Variants in C17orf58 observed in about 807,000 individuals in gnomAD.
C17orf58 encodes chromosome 17 open reading frame 58.
In C17orf58, 5 loss-of-function variants were observed where a neutral mutation model predicts 7.4. The ratio of observed to expected loss-of-function variants is 0.67; its 90% CI spans 0.35 to 1.42. The LOEUF is 1.42. Among genes scored for constraint, C17orf58 ranks in the 40% most tolerant of loss-of-function variants. The pLI is 0.04. For missense variants in C17orf58, 162 were observed against 174.2 expected, an observed-to-expected ratio of 0.93 and a Z score of 0.40; for synonymous variants, 60 against 70.6, an observed-to-expected ratio of 0.85 and a Z score of 0.75.
chr17:67,993,857 G>T lies in C17orf58; in HGVS notation c.204C>A (p.Ala68=). The T allele has an allele frequency of 2.9e-6, 1 of 346,562 alleles. No individual in the cohort carries two copies. Among genetic ancestry groups the T allele is most frequent in the South Asian group, 1.3e-4 (1 of 7,456 alleles). The allele number at this position is 346,562 out of a possible 1,614,324, so 21.5% of individuals were successfully genotyped here. A position where few individuals can be genotyped will look rare whatever the true frequency, so the allele number is the denominator to read the frequency against. The part of the protein sequence containing the change: ...QRPRAAEVAP[A]ARAWPDPRRR... ...GGCGCGGGTCAGGCCAGGCGCGGGC[G>T]GCGGGAGCGACCTCGGCCGCGCGCG... The change falls in exon 2 of 4, where the codon GCC becomes GCA. Residue 68 remains alanine (A), a synonymous_variant. Transcript: ENST00000580729. The surrounding 1 kb of genome is among the most constrained non-coding windows in gnomAD (Gnocchi z 5.1).
At position 67,993,199 on chromosome 17, in the gene C17orf58, CCCAGCACGT is replaced by C. The variant is rs1192546062; in HGVS notation, c.665_673del (p.Asp222_Leu224del). 4 of 1,608,918 alleles carry C rather than the reference CCCAGCACGT, an allele frequency of 2.5e-6. No homozygotes were observed. Among genetic ancestry groups the C allele is most frequent in the Non-Finnish European group, 3.4e-6 (4 of 1,177,082 alleles). ...CAGGGTCACCAGCCGGATGCCCGCG[CCCAGCACGT>C]CCACATCGTGCACGATCCCGTTCAC... On this transcript the variant is annotated inframe_deletion, in exon 3 of 4. Coordinates refer to ENST00000580729, the MANE Select transcript of C17orf58 (RefSeq NM_001382359.1). The surrounding 1 kb of genome is among the most constrained non-coding windows in gnomAD (Gnocchi z 5.1).
chr17:67,991,959 T>C lies in C17orf58; in HGVS notation c.974A>G (p.Lys325Arg). The C allele has an allele frequency of 6.2e-7, 1 of 1,613,058 alleles. No homozygotes were observed. Among genetic ancestry groups the C allele is most frequent in the Non-Finnish European group, 8.5e-7 (1 of 1,179,494 alleles). ...SSSYVKRFNR[K>R]REGQIQGAIH... ...TGCACCTTGAATCTGCCCTTCCCTT[T>C]TTCGATTAAACCTTTTCACATAGCT... is the stretch of plus-strand genomic sequence containing the variant. The change falls in exon 4 of 4, where the codon AAA (lysine) becomes AGA (arginine). Residue 325 changes from lysine to arginine, a missense_variant. By Grantham distance (26) the Lys-to-Arg change is conservative. Transcript: ENST00000580729.
chr17:67,992,773 T>C, intron 3 of C17orf58: 1 of 1,186,482 alleles, frequency 8.4e-7, no homozygotes, highest in Admixed American at 2.6e-5. Flanking sequence ...CTGGCAATGG[T>C]GTTTGGTCGT....
In C17orf58 at chr17:67,996,159, C is replaced by A; in HGVS notation, c.40G>T (p.Gly14Ter). 1 of 398,992 alleles carries A rather than the reference C, an allele frequency of 2.5e-6. No homozygotes were observed. Among genetic ancestry groups the A allele is most frequent in the Non-Finnish European group, 4.4e-6 (1 of 226,100 alleles). 24.7% of individuals were successfully genotyped at this position (398,992 alleles called of 1,614,324 possible). A position where few individuals can be genotyped will look rare whatever the true frequency, so the allele number is the denominator to read the frequency against. ...RAFWLLCLIV[G>*]SSPEAPVAER... is the part of the protein sequence containing the mutation. ...GCCACCGGTGCTTCGGGGGATGATC[C>A]GACGATCAAACAGAGGAGCCAGAAA... Residue 14 changes from glycine (G) to a stop codon, truncating the protein, a stop_gained, in exon 1 of 4, where the codon GGA becomes TGA. Coordinates refer to ENST00000580729, the MANE Select transcript of C17orf58 (RefSeq NM_001382359.1). LOFTEE classifies it high-confidence loss of function.
Position 67,991,855 on chromosome 17 carries a change from C to T in C17orf58, c.*58G>A. Reference sequence around the variant, plus strand: ...ACCCATTACATGAAGGTAGACCTTTCATGTCTTGTTGCCGACGTCCAAGTC... The same window carrying T: ...ACCCATTACATGAAGGTAGACCTTTTATGTCTTGTTGCCGACGTCCAAGTC... On this transcript the variant is annotated 3_prime_UTR_variant, in exon 4 of 4. Transcript: ENST00000580729. 5 of 1,456,496 alleles carry T rather than the reference C, an allele frequency of 3.4e-6. No homozygotes were observed. Among genetic ancestry groups the T allele is most frequent in the Non-Finnish European group, 4.7e-6 (5 of 1,068,936 alleles). The allele number at this position is 1,456,496 out of a possible 1,614,324, so 90.2% of individuals were successfully genotyped here.
chr17:67,996,257 T>TC lies in C17orf58; in HGVS notation c.-60dup. 2.5e-6 allele frequency: 1 copy of TC among 398,278 alleles called. No homozygotes were observed. Among genetic ancestry groups the TC allele is most frequent in the Non-Finnish European group, 4.4e-6 (1 of 225,888 alleles). 24.7% of individuals were successfully genotyped at this position (398,278 alleles called of 1,614,324 possible). A position where few individuals can be genotyped will look rare whatever the true frequency, so the allele number is the denominator to read the frequency against. ...AGCCTGGTCTTTTGCTTGCTTTCTC[T>TC]CCCCCAACCCCTTCTCCACACCCCC... is the stretch of plus-strand genomic sequence containing the variant. On this transcript the variant is annotated 5_prime_UTR_variant, in exon 1 of 4. An upstream open reading frame in the 5' UTR loses its in-frame stop. Transcript: ENST00000580729.
At chr17:67,995,393 A>G (rs1157130019) in intron 1 of C17orf58, among the ~76,000 whole-genome samples, 4 of 152,226 alleles carry the variant, frequency 2.6e-5, no homozygotes. Context: ...TATTTGGGTT[A>G]AATGCCACTG....
At position 67,994,512 on chromosome 17, in the gene C17orf58, G is replaced by GTATATATATATATATA. The variant is rs1555699607; in HGVS notation, c.77-529_77-528insTATATATATATATATA. Among the ~76,000 whole-genome samples, 181 of 85,480 alleles carry GTATATATATATATATA rather than the reference G, an allele frequency of 2.1e-3. 1 individual carries two copies. The highest frequency in any genetic ancestry group is 4.1e-3 in the African/African-American group (109 of 26,656). The allele number at this position is 85,480 out of a possible 152,430, so 56.1% of individuals were successfully genotyped here. A position where few individuals can be genotyped will look rare whatever the true frequency, so the allele number is the denominator to read the frequency against. ...CGTGTGCGTGTGTGTGTGTGTGTGTGTGTGTATATATATATATATATATAA... is the reference window on the plus strand; with the variant it reads ...CGTGTGCGTGTGTGTGTGTGTGTGTGTATATATATATATATATGTGTATATATATATATATATATAA... On this transcript the variant is annotated intron_variant, in intron 1 of 3. Coordinates refer to ENST00000580729, the MANE Select transcript of C17orf58 (RefSeq NM_001382359.1).
At chr17:67,996,030 C>T (rs1478102064) in intron 1 of C17orf58, 93 bp downstream of exon 1, 2 of 398,546 alleles carry the variant, frequency 5.0e-6, no homozygotes, top group South Asian at 1.3e-4. Context: ...CTCTGACCCC[C>T]CTCCTCGTCC....
Sources: allele counts gnomAD v4.1 joint callset (sites outside exome capture counted in the v4.1 genomes callset), GRCh38; gene constraint gnomAD v4.1.1; non-coding constraint Gnocchi (gnomAD v3.1); transcripts MANE v1.5; gene names NCBI Gene and HGNC (gene_info 2026-07-23, HGNC 2026-07-21).